The following CDKAL1 variants were observed in gnomAD, a reference collection of about 807,000 sequenced individuals.
CDKAL1 encodes threonylcarbamoyladenosine tRNA methylthiotransferase.
CDKAL1 carries 32 observed loss-of-function variants against 68.2 expected under a neutral mutation model. That is an observed-to-expected ratio of 0.47 (90% CI 0.35 to 0.63). The LOEUF (loss-of-function observed/expected upper bound fraction) is 0.63. CDKAL1 is among the 30% of genes least tolerant of loss of function. CDKAL1 has a pLI of 0.00. For missense variants in CDKAL1, 606 were observed against 696.7 expected (o/e 0.87, Z 1.47); for synonymous variants, 234 against 244.3 (o/e 0.96, Z 0.39).
chr6:21,016,612 T>TCATC (rs3061573), intron 11 of CDKAL1, among the ~76,000 whole-genome samples: 26,505 of 143,966 alleles, frequency 0.18, 2,600 homozygotes, highest in African/African-American at 0.21. Context: ...CGCCTTCCAT[T>TCATC]CATCCATCCA....
chr6:20,878,950 G>A (rs1258603381), intron 9 of CDKAL1, among the ~76,000 whole-genome samples: 1 of 150,344 alleles, frequency 6.7e-6, no homozygotes, highest in Non-Finnish European at 1.5e-5. Flanking sequence ...ATGGTGGCGG[G>A]CGCCTGTAAT....
chr6:21,134,899 CT>C (rs1775508611), intron 13 of CDKAL1, among the ~76,000 whole-genome samples: 1 of 152,086 alleles, frequency 6.6e-6, no homozygotes, highest in Non-Finnish European at 1.5e-5. Context: ...TTTAAAACTA[CT>C]TTTAACTGTT....
At chr6:20,781,114 G>A (rs376918038) in intron 7 of CDKAL1, 31 bp from the exon 8 acceptor site, 65 of 1,601,910 alleles carry the variant, frequency 4.1e-5, no homozygotes, top group Non-Finnish European at 5.4e-5. Context: ...TGTAACTCTT[G>A]CTAATGTATA....
chr6:20,813,479 T>C (rs951882314), intron 8 of CDKAL1, among the ~76,000 whole-genome samples: 1 of 152,218 alleles, frequency 6.6e-6, no homozygotes, highest in Non-Finnish European at 1.5e-5. Context: ...GTTTATGATA[T>C]TTTCAAGTAT....
intron 5 of CDKAL1, among the ~76,000 whole-genome samples, chr6:20,688,254 T>C (rs1770718468): frequency 6.6e-6 from 1 of 152,074 alleles, no homozygotes; most frequent in Non-Finnish European, 1.5e-5. Flanking sequence ...GTCTCCTGAA[T>C]CTTTTGATTG....
intron 4 of CDKAL1, among the ~76,000 whole-genome samples, chr6:20,594,770 A>G (rs946234622): frequency 6.6e-5 from 10 of 152,170 alleles, no homozygotes; most frequent in Admixed American, 3.9e-4. Context: ...ATTTCTTCAT[A>G]GCATTGATGG....
intron 5 of CDKAL1, among the ~76,000 whole-genome samples, chr6:20,707,604 G>C (rs547196232): frequency 6.6e-6 from 1 of 152,310 alleles, no homozygotes; most frequent in African/African-American, 2.4e-5. Context: ...CAGTGACAGA[G>C]AGCTAGGACG....
chr6:21,145,362 T>G (rs575447485), intron 13 of CDKAL1, among the ~76,000 whole-genome samples: 1 of 152,320 alleles, frequency 6.6e-6, no homozygotes, highest in African/African-American at 2.4e-5. Context: ...TTCCAAAAGC[T>G]TTGTAACAGT....
intron 5 of CDKAL1, among the ~76,000 whole-genome samples, chr6:20,712,130 T>G (rs1353438459): frequency 6.6e-6 from 1 of 151,976 alleles, no homozygotes; most frequent in Non-Finnish European, 1.5e-5. Flanking sequence ...AGAACCTGAG[T>G]TGGCAAACAA....
At chr6:20,997,390 A>G (rs1767176992) in intron 10 of CDKAL1, among the ~76,000 whole-genome samples, 1 of 152,222 alleles carries the variant, frequency 6.6e-6, no homozygotes, top group Non-Finnish European at 1.5e-5. Flanking sequence ...GTGTTAAGTC[A>G]TGATTCTCTC....
chr6:20,934,765 G>A (rs1025460946), intron 9 of CDKAL1, among the ~76,000 whole-genome samples: 9 of 152,136 alleles, frequency 5.9e-5, no homozygotes, highest in African/African-American at 1.7e-4. Flanking sequence ...GAGGATACTT[G>A]AGCCTGGGAG....
chr6:20,538,554 T>C (rs944245107), intron 2 of CDKAL1, among the ~76,000 whole-genome samples: 7 of 152,230 alleles, frequency 4.6e-5, no homozygotes, highest in African/African-American at 1.7e-4. Context: ...TTCATTCCTC[T>C]TTTTCCTTTC....
At chr6:21,139,674 A>G (rs1775805088) in intron 13 of CDKAL1, among the ~76,000 whole-genome samples, 1 of 151,974 alleles carries the variant, frequency 6.6e-6, no homozygotes, top group East Asian at 1.9e-4. Context: ...CCGTGTAACT[A>G]ATTTTTAATT....
At chr6:20,945,071 TACACACACACACACAC>T (rs141227225) in intron 9 of CDKAL1, among the ~76,000 whole-genome samples, 1 of 150,262 alleles carries the variant, frequency 6.7e-6, no homozygotes, top group Non-Finnish European at 1.5e-5. Context: ...CACACACACG[TACACACACACACACAC>T]ACACACACAA....
chr6:20,565,859 A>G (rs889703547), intron 4 of CDKAL1, among the ~76,000 whole-genome samples: 21 of 152,124 alleles, frequency 1.4e-4, no homozygotes, highest in African/African-American at 4.8e-4. Context: ...CTGAACTGCT[A>G]TTTCACCTCT....
intron 6 of CDKAL1, chr6:20,756,853 C>CCCCT (rs1774203517): frequency 5.4e-5 from 3 of 55,904 alleles, no homozygotes; most frequent in Admixed American, 1.9e-4. Flanking sequence ...CCTTCCTTCT[C>CCCCT]CCCTTCCTTC....
At chr6:20,821,277 C>T (rs1581644404) in intron 8 of CDKAL1, among the ~76,000 whole-genome samples, 1 of 151,930 alleles carries the variant, frequency 6.6e-6, no homozygotes, top group African/African-American at 2.4e-5. Flanking sequence ...TCGTGAAGTC[C>T]GAATGGAAGA....
intron 8 of CDKAL1, among the ~76,000 whole-genome samples, chr6:20,818,286 A>G (rs943923229): frequency 1.3e-5 from 2 of 152,296 alleles, no homozygotes; most frequent in Admixed American, 1.3e-4. Context: ...GTTCCACAGT[A>G]GTAATGTCAC....
At chr6:20,672,055 T>G (rs963939046) in intron 5 of CDKAL1, among the ~76,000 whole-genome samples, 1 of 152,246 alleles carries the variant, frequency 6.6e-6, no homozygotes, top group African/African-American at 2.4e-5. Context: ...CCATCTACGC[T>G]GTTTGCAAAG....
Sources: allele counts gnomAD v4.1 joint callset (sites outside exome capture counted in the v4.1 genomes callset), GRCh38; gene constraint gnomAD v4.1.1; transcripts MANE v1.5; gene names NCBI Gene and HGNC (gene_info 2026-07-23, HGNC 2026-07-21).